The following ODF2L variants were observed in gnomAD, a reference collection of about 807,000 sequenced individuals.
ODF2L encodes protein BCAP.
ODF2L carries 76 observed loss-of-function variants against 86.3 expected under a neutral mutation model. The ratio of observed to expected loss-of-function variants is 0.88; its 90% CI spans 0.73 to 1.07. ODF2L has a LOEUF of 1.07. Among genes scored for constraint, ODF2L ranks in the 50% least tolerant of loss-of-function variants. The pLI is 0.00. For missense variants in ODF2L, 748 were observed against 717.4 expected (o/e 1.04, Z -0.49); for synonymous variants, 241 against 231.3 (o/e 1.04, Z -0.38).
intron 16 of ODF2L, among the ~76,000 whole-genome samples, chr1:86,353,195 A>G (rs1410493559): frequency 1.3e-5 from 2 of 152,210 alleles, no homozygotes; most frequent in Admixed American, 6.5e-5. Context: ...TTGGCTTGAG[A>G]TGGAAGAGAT....
chr1:86,370,979 T>C, intron 10 of ODF2L, 39 bp downstream of exon 10: 1 of 1,379,696 alleles, frequency 7.2e-7, no homozygotes, highest in African/African-American at 1.5e-5. Context: ...CTATGGTCAT[T>C]ACACAATACA....
At chr1:86,375,979 T>G (rs992197939) in intron 8 of ODF2L, among the ~76,000 whole-genome samples, 3 of 152,152 alleles carry the variant, frequency 2.0e-5, no homozygotes, top group Admixed American at 6.5e-5. Flanking sequence ...TTTTTGTGTG[T>G]GGAGGCGGGG....
chr1:86,368,537 T>C, intron 11 of ODF2L: 1 of 1,133,322 alleles, frequency 8.8e-7, no homozygotes, highest in Non-Finnish European at 1.1e-6. Flanking sequence ...GATAACATTT[T>C]TACCTGCCAA....
At chr1:86,382,824 A>G (rs1267044848) in intron 6 of ODF2L, 107 bp downstream of exon 6, 2 of 671,534 alleles carry the variant, frequency 3.0e-6, no homozygotes, top group East Asian at 5.4e-5. Flanking sequence ...TAGAATTTCA[A>G]AACACTTTTC....
chr1:86,371,506 A>C (rs986325087), intron 9 of ODF2L, among the ~76,000 whole-genome samples: 3 of 152,210 alleles, frequency 2.0e-5, no homozygotes, highest in Non-Finnish European at 4.4e-5. Context: ...TTTAGGGACA[A>C]GGTTAAAGAA....
At chr1:86,356,649 AT>A in intron 13 of ODF2L, 47 bp from the exon 13 acceptor site, 1 of 1,534,942 alleles carries the variant, frequency 6.5e-7, no homozygotes, top group Non-Finnish European at 8.9e-7. Flanking sequence ...CACATTCAGC[AT>A]TAATATTTTT....
At chr1:86,358,572 A>G (rs1175067801) in intron 13 of ODF2L, 3 of 240,556 alleles carry the variant, frequency 1.2e-5, no homozygotes, top group Non-Finnish European at 2.3e-5. Context: ...TATTTTCCAA[A>G]TATTAACAAA....
chr1:86,368,783 T>G (rs1357249775), intron 10 of ODF2L: 2 of 1,273,524 alleles, frequency 1.6e-6, no homozygotes, highest in African/African-American at 1.5e-5. Context: ...TTATTATTAT[T>G]AAATGTTAAA....
At chr1:86,371,667 A>G (rs1659793932) in intron 9 of ODF2L, among the ~76,000 whole-genome samples, 1 of 152,182 alleles carries the variant, frequency 6.6e-6, no homozygotes, top group Admixed American at 6.5e-5. Context: ...ATAATAAAAT[A>G]TATGTATTTT....
At chr1:86,372,495 T>C in exon 9 of ODF2L, 2 of 1,530,882 alleles carry the variant, frequency 1.3e-6, no homozygotes, top group Non-Finnish European at 1.7e-6. Flanking sequence ...TCATAATGAC[T>C]TTTCCAGGCA....
intron 6 of ODF2L, among the ~76,000 whole-genome samples, chr1:86,382,620 C>T (rs1478430972): frequency 1.3e-5 from 2 of 151,844 alleles, no homozygotes; most frequent in East Asian, 3.9e-4. Flanking sequence ...TATGGGTATA[C>T]CTAAAATGCT....
In ODF2L at chr1:86,364,533, G is replaced by A. The variant is rs7545098; in HGVS notation, c.1144-3997C>T. On this transcript the variant is annotated intron_variant, in intron 11 of 17. Transcript: ENST00000317336. ...AGTATTCATATTTGGCTACAGCTCA[G>A]AATAACTAGAAGACTACATTCCCTA... Among the ~76,000 whole-genome samples, 1,416 of 152,308 alleles carry A rather than the reference G, an allele frequency of 9.3e-3. 21 individuals are homozygous for A. The highest frequency in any genetic ancestry group is 0.033 in the African/African-American group (1,358 of 41,570).
intron 4 of ODF2L, among the ~76,000 whole-genome samples, chr1:86,384,019 A>T (rs1385482754): frequency 1.3e-5 from 2 of 151,874 alleles, no homozygotes; most frequent in Admixed American, 1.3e-4. Context: ...AGTTCTTAAT[A>T]GTGATGTTTC....
At chr1:86,352,153 T>C in exon 18 of ODF2L, 1 of 1,503,224 alleles carries the variant, frequency 6.7e-7, no homozygotes, top group Non-Finnish European at 8.8e-7. Context: ...TTTTAGGTTT[T>C]CAACTTTTTA....
intron 10 of ODF2L, 92 bp downstream of exon 10, chr1:86,370,926 G>A (rs139745023): frequency 2.3e-5 from 17 of 741,926 alleles, no homozygotes; most frequent in Non-Finnish European, 1.8e-5. Flanking sequence ...CAAGAGCACT[G>A]CTCTAAACAT....
intron 8 of ODF2L, 88 bp from the exon 9 acceptor site, chr1:86,372,628 G>T: frequency 1.6e-6 from 1 of 631,312 alleles, no homozygotes; most frequent in East Asian, 3.4e-5. Flanking sequence ...TTATAAACAG[G>T]GAAGCAATCT....
intron 11 of ODF2L, among the ~76,000 whole-genome samples, chr1:86,362,882 A>G (rs781594713): frequency 1.3e-5 from 2 of 152,070 alleles, no homozygotes; most frequent in African/African-American, 4.8e-5. Context: ...CTGGTCTTCA[A>G]ACTGAGCTCA....
chr1:86,379,293 G>A (rs1332121121), intron 7 of ODF2L, among the ~76,000 whole-genome samples: 2 of 152,106 alleles, frequency 1.3e-5, no homozygotes, highest in African/African-American at 4.8e-5. Context: ...ACACATTGGG[G>A]ACCAATGCTT....
In ODF2L at chr1:86,386,963, G is replaced by T; in HGVS notation, c.65C>A (p.Ser22Ter). 6.3e-7 allele frequency: 1 copy of T among 1,597,868 alleles called. No individual in the cohort carries two copies. Among genetic ancestry groups the T allele is most frequent in the Non-Finnish European group, 8.5e-7 (1 of 1,171,074 alleles). Residue 22 changes from serine (S) to a stop codon, truncating the protein, a stop_gained, in exon 2 of 18, where the codon TCA becomes TAA. Coordinates refer to ENST00000317336, the Ensembl canonical transcript of ODF2L. LOFTEE classifies it high-confidence loss of function. ...ACACCGTGGTAAATCTTCTTTCTCT[G>T]ATATAGTTTTAAGATGGCAAAAGAG...
Sources: allele counts gnomAD v4.1 joint callset (sites outside exome capture counted in the v4.1 genomes callset), GRCh38; gene constraint gnomAD v4.1.1; transcripts MANE v1.5; gene names NCBI Gene and HGNC (gene_info 2026-07-23, HGNC 2026-07-21).